RBFOX1: variants seen among roughly 807,000 people sequenced by gnomAD.
RBFOX1 encodes the protein RNA binding fox-1 homolog 1.
In RBFOX1, 8 loss-of-function variants were observed where a neutral mutation model predicts 57.7. The observed-to-expected ratio is 0.14, with a 90% CI of 0.08 to 0.25. RBFOX1 has a LOEUF of 0.25. Ranked by LOEUF, RBFOX1 falls within the 10% of genes least tolerant of loss-of-function variation. The probability of loss-of-function intolerance (pLI) is 1.00; values close to 1 mark genes in which losing one functional copy is unlikely to be tolerated. For missense variants in RBFOX1, 611 were observed against 548.5 expected (o/e 1.11, Z -1.14); for synonymous variants, 326 against 222.4 (o/e 1.47, Z -4.15).
At chr16:7,437,398 C>T (rs1354981423) in intron 4 of RBFOX1, among the ~76,000 whole-genome samples, 3 of 152,084 alleles carry the variant, frequency 2.0e-5, no homozygotes, top group African/African-American at 4.8e-5. Flanking sequence ...TAGGCTCTCC[C>T]ATGTCAGATT....
At chr16:6,760,354 CTT>C (rs1347964732) in intron 3 of RBFOX1, among the ~76,000 whole-genome samples, 4 of 152,106 alleles carry the variant, frequency 2.6e-5, no homozygotes, top group Admixed American at 1.3e-4. Flanking sequence ...TGGTTTCAGT[CTT>C]TTGTTTTTAA....
intron 4 of RBFOX1, among the ~76,000 whole-genome samples, chr16:7,179,161 G>C (rs1040460197): frequency 1.3e-5 from 2 of 152,014 alleles, no homozygotes. Flanking sequence ...GGTGCATTTG[G>C]GGGTAGGAGG....
chr16:6,685,729 A>G (rs2059352767), intron 3 of RBFOX1, among the ~76,000 whole-genome samples: 1 of 152,146 alleles, frequency 6.6e-6, no homozygotes, highest in Admixed American at 6.5e-5. Flanking sequence ...CAAGAATACC[A>G]ATTTTAACAA....
At chr16:5,817,771 T>C (rs537574668) in intron 3 of RBFOX1, among the ~76,000 whole-genome samples, 1 of 150,582 alleles carries the variant, frequency 6.6e-6, no homozygotes, top group Non-Finnish European at 1.5e-5. Flanking sequence ...CTGGGCTCAC[T>C]GCAGCTCCGA....
At chr16:5,404,876 A>C (rs1413843773) in intron 1 of RBFOX1, among the ~76,000 whole-genome samples, 1 of 152,270 alleles carries the variant, frequency 6.6e-6, no homozygotes, top group Non-Finnish European at 1.5e-5. Context: ...ACCACCAGGA[A>C]AAGAAAGCTT....
intron 1 of RBFOX1, among the ~76,000 whole-genome samples, chr16:6,266,585 G>A (rs900451362): frequency 2.6e-5 from 4 of 151,826 alleles, no homozygotes; most frequent in African/African-American, 9.7e-5. Flanking sequence ...ATGGTGGCAC[G>A]CGCCTGTAAT....
chr16:6,056,855 T>TC (rs151135677), intron 1 of RBFOX1: 3 of 151,756 alleles, frequency 2.0e-5, no homozygotes, highest in Non-Finnish European at 4.4e-5. Flanking sequence ...TTTTTTTTTT[T>TC]TCTTTTTTAC....
At chr16:6,102,688 A>T (rs1004026643) in intron 1 of RBFOX1, among the ~76,000 whole-genome samples, 7 of 152,160 alleles carry the variant, frequency 4.6e-5, no homozygotes, top group African/African-American at 1.7e-4. Flanking sequence ...ATTTTATAGA[A>T]CGGTTATTGA....
At chr16:6,824,137 G>C (rs934386327) in intron 3 of RBFOX1, among the ~76,000 whole-genome samples, 1 of 152,240 alleles carries the variant, frequency 6.6e-6, no homozygotes, top group African/African-American at 2.4e-5. Context: ...AGGCGCTGTT[G>C]CTGGCGCCTG....
At chr16:6,451,602 C>T (rs144139058) in intron 2 of RBFOX1, among the ~76,000 whole-genome samples, 1 of 152,166 alleles carries the variant, frequency 6.6e-6, no homozygotes, top group Non-Finnish European at 1.5e-5. Context: ...ATTCACCACT[C>T]TCTAACTTAG....
intron 3 of RBFOX1, among the ~76,000 whole-genome samples, chr16:5,691,087 T>C (rs1210098577): frequency 6.6e-6 from 1 of 152,252 alleles, no homozygotes; most frequent in Non-Finnish European, 1.5e-5. Flanking sequence ...TGTGGCTCTC[T>C]GAAGAGGCTG....
intron 3 of RBFOX1, among the ~76,000 whole-genome samples, chr16:6,927,532 C>G (rs969542289): frequency 6.9e-6 from 1 of 145,558 alleles, no homozygotes; most frequent in African/African-American, 2.5e-5. Context: ...GCAGATATTT[C>G]TTTGTTTTGT....
intron 5 of RBFOX1, among the ~76,000 whole-genome samples, chr16:7,572,635 C>A (rs186686485): frequency 1.3e-5 from 2 of 152,012 alleles, no homozygotes; most frequent in African/African-American, 4.8e-5. Flanking sequence ...GTCAGGAGAT[C>A]GAGACCATCC....
intron 3 of RBFOX1, among the ~76,000 whole-genome samples, chr16:5,682,262 A>T (rs1042218170): frequency 2.6e-5 from 4 of 152,226 alleles, no homozygotes; most frequent in African/African-American, 7.2e-5. Context: ...AAGCCTTCCC[A>T]TTGTGGGAGC....
At chr16:5,697,642 T>A (rs1440181129) in intron 3 of RBFOX1, among the ~76,000 whole-genome samples, 1 of 151,790 alleles carries the variant, frequency 6.6e-6, no homozygotes, top group East Asian at 1.9e-4. Context: ...CAAGCGATTC[T>A]TCTGCCTCAG....
At chr16:6,741,004 A>G (rs2071908151) in intron 3 of RBFOX1, among the ~76,000 whole-genome samples, 1 of 152,168 alleles carries the variant, frequency 6.6e-6, no homozygotes, top group South Asian at 2.1e-4. Flanking sequence ...GCTATGTGGT[A>G]TTTGCTTAGA....
chr16:6,648,484 C>G (rs546990260), intron 2 of RBFOX1, among the ~76,000 whole-genome samples: 2 of 152,176 alleles, frequency 1.3e-5, no homozygotes, highest in South Asian at 4.2e-4. Context: ...ATAGTAACAC[C>G]CTGCTTTAAG....
Position 6,193,412 on chromosome 16 carries a change from A to ATATATAG in RBFOX1, c.-126-123577_-126-123576insGTATATA, listed in dbSNP as rs2097159290. Reference sequence around the variant, plus strand: ...ATATACTATATATATATATATATATATATATATATATATAAAATTCAGTGA... The same window carrying ATATATAG: ...ATATACTATATATATATATATATATATATATAGTATATATATATATAAAATTCAGTGA... On this transcript the variant is annotated intron_variant, in intron 1 of 15. Transcript: ENST00000550418. Among the ~76,000 whole-genome samples the ATATATAG allele has an allele frequency of 4.2e-5, 4 of 95,666 alleles. No homozygotes were observed. In the South Asian group the frequency reaches 1.0e-3, roughly 24 times the overall value. 62.8% of individuals were successfully genotyped at this position (95,666 alleles called of 152,430 possible).
rs183972881 is a variant in RBFOX1 at position 5,666,299 on chromosome 16, C to G, written c.318+67338C>G. Among the ~76,000 whole-genome samples, 4 of 152,310 alleles carry G rather than the reference C, an allele frequency of 2.6e-5. No individual in the cohort carries two copies. The East Asian group carries it at 7.7e-4, about 29-fold the overall frequency. ...ATTATCCCATTTCTGTGACCTTCTT[C>G]TTTTCTTCAACATTGGTACTCGTGA... On this transcript the variant is annotated intron_variant, in intron 3 of 19. Transcript: ENST00000641259.
Sources: allele counts gnomAD v4.1 joint callset (sites outside exome capture counted in the v4.1 genomes callset), GRCh38; gene constraint gnomAD v4.1.1; transcripts MANE v1.5; gene names NCBI Gene and HGNC (gene_info 2026-07-23, HGNC 2026-07-21).